Variants in CSNK1G3 observed in about 807,000 individuals in gnomAD.
CSNK1G3 encodes casein kinase 1 gamma 3, also known as casein kinase I isoform gamma-3.
CSNK1G3 carries 23 observed loss-of-function variants against 64.3 expected under a neutral mutation model. That is an observed-to-expected ratio of 0.36 (90% CI 0.26 to 0.51). The LOEUF (loss-of-function observed/expected upper bound fraction) is 0.51. Ranked by LOEUF, CSNK1G3 falls within the 20% of genes least tolerant of loss-of-function variation. The probability of loss-of-function intolerance (pLI) is 0.96; values close to 1 mark genes in which losing one functional copy is unlikely to be tolerated. For missense variants in CSNK1G3, 357 were observed against 510.5 expected, an observed-to-expected ratio of 0.70 and a Z score of 2.90; for synonymous variants, 158 against 162.2, an observed-to-expected ratio of 0.97 and a Z score of 0.20.
intron 1 of CSNK1G3, among the ~76,000 whole-genome samples, chr5:123,544,746 A>G (rs1264731971): frequency 2.0e-5 from 3 of 152,212 alleles, no homozygotes; most frequent in African/African-American, 7.2e-5. Flanking sequence ...TTTAATACCT[A>G]ATTTCTGCAT....
chr5:123,539,518 G>T (rs764877891), intron 1 of CSNK1G3, among the ~76,000 whole-genome samples: 25 of 150,566 alleles, frequency 1.7e-4, no homozygotes, highest in Non-Finnish European at 3.0e-4. Flanking sequence ...CAAATGTTAA[G>T]TCAGTGGTAC....
intron 1 of CSNK1G3, among the ~76,000 whole-genome samples, chr5:123,530,876 T>G (rs1255303831): frequency 6.6e-6 from 1 of 152,216 alleles, no homozygotes; most frequent in Non-Finnish European, 1.5e-5. Context: ...AATAAGTGTT[T>G]ATTCTTTTCT....
intron 2 of CSNK1G3, among the ~76,000 whole-genome samples, chr5:123,550,740 G>T (rs547129960): frequency 8.5e-5 from 13 of 152,104 alleles, no homozygotes; most frequent in Non-Finnish European, 1.6e-4. Flanking sequence ...CTTTTAATGG[G>T]ATTCTCACTA....
intron 4 of CSNK1G3, among the ~76,000 whole-genome samples, chr5:123,567,037 G>A (rs1787040228): frequency 6.6e-6 from 1 of 152,226 alleles, no homozygotes. Context: ...AGTTCCATGT[G>A]GCTGGGGAGG....
intron 4 of CSNK1G3, among the ~76,000 whole-genome samples, chr5:123,566,787 CT>C (rs1786970034): frequency 6.6e-6 from 1 of 151,788 alleles, no homozygotes; most frequent in South Asian, 2.1e-4. Flanking sequence ...AAAGTAAGCA[CT>C]TTTTTTCCTG....
intron 1 of CSNK1G3, among the ~76,000 whole-genome samples, chr5:123,527,451 A>C (rs1249171411): frequency 6.6e-6 from 1 of 152,044 alleles, no homozygotes; most frequent in Non-Finnish European, 1.5e-5. Context: ...TCTATTTTTC[A>C]GCTTGTTTCT....
At chr5:123,600,673 A>G (rs1221552038) in intron 10 of CSNK1G3, among the ~76,000 whole-genome samples, 1 of 152,022 alleles carries the variant, frequency 6.6e-6, no homozygotes, top group African/African-American at 2.4e-5. Context: ...TAGTATAACT[A>G]ATTTGTATGA....
Position 123,525,074 on chromosome 5 carries a change from A to G in CSNK1G3, c.-248+12504A>G, listed in dbSNP as rs147932584. The stretch of plus-strand genomic sequence containing the variant: ...TGTGCTCGGAAAGCACTATAATTCT[A>G]TTGTAGTTCGTATCATATTTTCTGT... On this transcript the variant is annotated intron_variant, in intron 1 of 12. Transcript: ENST00000345990. Among the ~76,000 whole-genome samples the G allele has an allele frequency of 2.3e-3, 350 of 152,284 alleles. 4 individuals carry two copies. The highest frequency in any genetic ancestry group is 7.1e-3 in the African/African-American group (294 of 41,552).
At position 123,590,568 on chromosome 5, in the gene CSNK1G3, C is replaced by T; in HGVS notation, c.990+10C>T. 1 of 1,432,544 alleles carries T rather than the reference C, an allele frequency of 7.0e-7. No individual in the cohort carries two copies. Among genetic ancestry groups the T allele is most frequent in the Non-Finnish European group, 9.3e-7 (1 of 1,071,694 alleles). 88.7% of individuals were successfully genotyped at this position (1,432,544 alleles called of 1,614,324 possible). On this transcript the variant is annotated intron_variant, in intron 9 of 12. Transcript: ENST00000345990. ...GATTGGTAAACAGTTGGTGAGTATT[C>T]TATATAATAATATATTACTTACAGT...
At chr5:123,591,830 G>A (rs1792424424) in intron 10 of CSNK1G3, among the ~76,000 whole-genome samples, 1 of 151,992 alleles carries the variant, frequency 6.6e-6, no homozygotes, top group South Asian at 2.1e-4. Flanking sequence ...TTTGTCACCA[G>A]TGTCTAAAAG....
chr5:123,529,484 A>C (rs1027404028), intron 1 of CSNK1G3, among the ~76,000 whole-genome samples: 2 of 152,132 alleles, frequency 1.3e-5, no homozygotes, highest in Non-Finnish European at 2.9e-5. Context: ...AGTCCTGATG[A>C]GATCTTTTTG....
At chr5:123,534,928 T>C (rs1057439974) in intron 1 of CSNK1G3, among the ~76,000 whole-genome samples, 3 of 152,174 alleles carry the variant, frequency 2.0e-5, no homozygotes, top group African/African-American at 4.8e-5. Flanking sequence ...CATAGTGCCA[T>C]TGTATAATAA....
intron 3 of CSNK1G3, among the ~76,000 whole-genome samples, chr5:123,554,456 A>C (rs139720005): frequency 3.3e-5 from 5 of 152,176 alleles, no homozygotes; most frequent in Admixed American, 2.6e-4. Context: ...GTTTCTTTCT[A>C]TGGGCCGATG....
intron 1 of CSNK1G3, among the ~76,000 whole-genome samples, chr5:123,522,417 C>A (rs1298293853): frequency 6.6e-6 from 1 of 151,574 alleles, no homozygotes; most frequent in African/African-American, 2.4e-5. Context: ...GCAGGAGAAT[C>A]GCTTGAACCT....
intron 1 of CSNK1G3, among the ~76,000 whole-genome samples, chr5:123,525,311 T>G (rs1370232915): frequency 6.8e-6 from 1 of 147,724 alleles, no homozygotes; most frequent in Non-Finnish European, 1.5e-5. Flanking sequence ...ACCAGTTGTT[T>G]GCATTTTTTT....
At chr5:123,573,668 A>C in intron 5 of CSNK1G3, 127 bp downstream of exon 5, 1 of 702,300 alleles carries the variant, frequency 1.4e-6, no homozygotes, top group Non-Finnish European at 2.2e-6. Flanking sequence ...AAATGTTTCT[A>C]CTTTTCATGT....
intron 4 of CSNK1G3, among the ~76,000 whole-genome samples, chr5:123,568,238 G>A (rs1486048113): frequency 6.6e-6 from 1 of 152,064 alleles, no homozygotes. Flanking sequence ...TAATGGTTTC[G>A]CTGGGATTCA....
intron 10 of CSNK1G3, among the ~76,000 whole-genome samples, chr5:123,597,073 TA>T (rs1170856573): frequency 6.6e-5 from 10 of 152,126 alleles, no homozygotes; most frequent in African/African-American, 2.4e-4. Context: ...TTGAATACTA[TA>T]TTTGATTCTG....
exon 13 of CSNK1G3, chr5:123,614,551 ATTCTTT>A (rs1749127090): frequency 1.8e-6 from 1 of 569,054 alleles, no homozygotes; most frequent in African/African-American, 2.0e-5. Flanking sequence ...GTTGTCTTAC[ATTCTTT>A]TTCTTTTTTT....
Sources: gnomAD v4.1 joint callset for allele counts (sites outside exome capture counted in the v4.1 genomes callset) on GRCh38, gnomAD v4.1.1 for gene constraint, MANE v1.5 for transcripts, NCBI Gene and HGNC (gene_info 2026-07-23, HGNC 2026-07-21) for gene names.